MEIOB: variants seen among roughly 807,000 people sequenced by gnomAD.
MEIOB encodes the protein meiosis specific with OB-fold.
Under a neutral mutation model 53.1 loss-of-function variants are expected in MEIOB, and 50 were observed. That is an observed-to-expected ratio of 0.94 (90% CI 0.75 to 1.19). The LOEUF (loss-of-function observed/expected upper bound fraction) is 1.19, where lower values mean the gene tolerates loss of function less well. Ranked by LOEUF, MEIOB falls within the 50% of genes most tolerant of loss-of-function variation. The probability of loss-of-function intolerance (pLI) is 0.00; values close to 1 mark genes in which losing one functional copy is unlikely to be tolerated. For synonymous variants in MEIOB, 192 were observed against 182.5 expected (o/e 1.05, Z -0.42); for missense variants, 551 against 550.8 (o/e 1.00, Z 0.00).
At chr16:1,863,574 C>T (rs551954376) in intron 3 of MEIOB, among the ~76,000 whole-genome samples, 5 of 151,492 alleles carry the variant, frequency 3.3e-5, no homozygotes, top group African/African-American at 9.7e-5. Context: ...TTAGTAGAGA[C>T]GGGGTTTCAC....
intron 10 of MEIOB, chr16:1,843,441 G>A (rs1045196561): frequency 1.3e-5 from 2 of 152,128 alleles, no homozygotes; most frequent in Non-Finnish European, 2.9e-5. Context: ...GCTCATGCCT[G>A]TAATTCTAAC....
At chr16:1,847,580 A>G (rs1899057196) in intron 9 of MEIOB, among the ~76,000 whole-genome samples, 1 of 151,938 alleles carries the variant, frequency 6.6e-6, no homozygotes, top group Non-Finnish European at 1.5e-5. Context: ...AGACCCCCCA[A>G]AAAAAAGAAG....
chr16:1,856,931 T>C (rs1158662147), intron 6 of MEIOB, among the ~76,000 whole-genome samples: 3 of 137,252 alleles, frequency 2.2e-5, no homozygotes, highest in African/African-American at 8.3e-5. Flanking sequence ...ATCCGGCTAA[T>C]TTTTGTATTT....
At chr16:1,848,705 G>A (rs780141936) in intron 9 of MEIOB, among the ~76,000 whole-genome samples, 3 of 151,732 alleles carry the variant, frequency 2.0e-5, no homozygotes, top group East Asian at 1.9e-4. Flanking sequence ...CACCACGCCC[G>A]GCTAATTTTT....
chr16:1,834,363 C>G lies in MEIOB; in HGVS notation c.1309G>C (p.Val437Leu), dbSNP rs564125876. 6.4e-7 allele frequency: 1 copy of G among 1,561,606 alleles called. No individual in the cohort carries two copies. Among genetic ancestry groups the G allele is most frequent in the African/African-American group, 1.4e-5 (1 of 73,792 alleles). Residue 437 changes from valine (V) to leucine (L), a missense_variant, in exon 14 of 14, where the codon GTT (valine) becomes CTT (leucine). Coordinates refer to ENST00000325962, the MANE Select transcript of MEIOB (RefSeq NM_001163560.3). ...CCACTCCTTGCTCTGTGTGATAGAA[C>G]GAACTGCGAGGAGAAACAGAAAAAG... ...LERSKIYLKFVLSHRARSGLK... is the reference protein window; with the variant it reads ...LERSKIYLKFLLSHRARSGLK...
At chr16:1,869,747 G>A (rs559387818) in intron 1 of MEIOB, among the ~76,000 whole-genome samples, 11 of 150,646 alleles carry the variant, frequency 7.3e-5, no homozygotes, top group Admixed American at 2.6e-4. Flanking sequence ...CACCACGCCC[G>A]GCCTCAGTGG....
intron 5 of MEIOB, among the ~76,000 whole-genome samples, chr16:1,859,976 C>T (rs575766826): frequency 6.6e-6 from 1 of 152,322 alleles, no homozygotes; most frequent in African/African-American, 2.4e-5. Context: ...TCTATCCTCG[C>T]AGGGTTCCCC....
At position 1,865,805 on chromosome 16, in the gene MEIOB, C is replaced by A; in HGVS notation, c.100G>T (p.Asp34Tyr). 4 of 1,549,052 alleles carry A rather than the reference C, an allele frequency of 2.6e-6. No individual in the cohort carries two copies. The highest frequency in any genetic ancestry group is 3.5e-6 in the Non-Finnish European group (4 of 1,146,284). The part of the protein sequence containing the change: ...KVIGIVIGKT[D>Y]VKGFPDRKNI... The stretch of plus-strand genomic sequence containing the variant: ...TTTCTGTCTGGAAAGCCTTTGACAT[C>A]TGTTTTCCCAATAACTATACCGATA... Residue 34 changes from aspartate to tyrosine, a missense_variant, in exon 3 of 14, where the codon GAT becomes TAT. Asp to Tyr is a radical substitution (Grantham distance 160). Coordinates refer to ENST00000325962, the MANE Select transcript of MEIOB (RefSeq NM_001163560.3).
chr16:1,857,951 A>G (rs1240180039), intron 5 of MEIOB, 21 bp from the exon 6 acceptor site: 2 of 1,449,752 alleles, frequency 1.4e-6, no homozygotes, highest in Non-Finnish European at 9.3e-7. Flanking sequence ...AAAACACAAG[A>G]AAGTTATTTG....
At chr16:1,836,021 G>A (rs11248896) in intron 13 of MEIOB, among the ~76,000 whole-genome samples, 26,923 of 151,754 alleles carry the variant, frequency 0.18, 2,505 homozygotes, top group South Asian at 0.27. Context: ...CACCATGCCT[G>A]GCTAATTTTT....
chr16:1,834,347 G>T lies in MEIOB; in HGVS notation c.1325C>A (p.Ala442Glu). The T allele has an allele frequency of 6.2e-7, 1 of 1,607,856 alleles. No individual in the cohort carries two copies. The highest frequency in any genetic ancestry group is 8.5e-7 in the Non-Finnish European group (1 of 1,174,788). The change falls in exon 14 of 14, where the codon GCA becomes GAA. Residue 442 changes from alanine to glutamate, a missense_variant. Transcript: ENST00000325962. Reference protein sequence around the residue: ...IYLKFVLSHRARSGLKISVLS... With the variant: ...IYLKFVLSHRERSGLKISVLS... ...TACACTAATTTTCAATCCACTCCTT[G>T]CTCTGTGTGATAGAACGAACTGCGA...
intron 9 of MEIOB, among the ~76,000 whole-genome samples, chr16:1,848,649 C>T (rs1038991959): frequency 2.7e-5 from 4 of 150,460 alleles, no homozygotes; most frequent in African/African-American, 7.3e-5. Context: ...CTGAAGCGAT[C>T]CTCCTGCCTT....
intron 13 of MEIOB, among the ~76,000 whole-genome samples, chr16:1,836,220 A>C (rs1189785711): frequency 3.3e-5 from 5 of 152,034 alleles, no homozygotes; most frequent in Non-Finnish European, 7.4e-5. Context: ...ACATCTTTTT[A>C]TTTGTAAAAT....
At position 1,868,124 on chromosome 16, in the gene MEIOB, T is replaced by G. The variant is rs1742446; in HGVS notation, c.52A>C (p.Thr18Pro). The change falls in exon 2 of 14, where the codon ACA (threonine) becomes CCA (proline). Residue 18 changes from threonine (T) to proline (P), a missense_variant. Thr to Pro is a conservative substitution (Grantham distance 38). Coordinates refer to ENST00000325962, the MANE Select transcript of MEIOB (RefSeq NM_001163560.3). ...AAACCTACCAGATTAGCCATATTTG[T>G]CTGCAGATCTGAAAGGGTAGTGAAA... ...RIFTTLSDLQ[T>P]NMANLKVIGI... 0.84 allele frequency: 1,276,672 copies of G among 1,524,838 alleles called. 535,395 individuals are homozygous for G. The highest frequency in any genetic ancestry group is 0.88 in the Middle Eastern group (5,184 of 5,904). The allele number at this position is 1,524,838 out of a possible 1,614,324, so 94.5% of individuals were successfully genotyped here.
intron 3 of MEIOB, among the ~76,000 whole-genome samples, chr16:1,864,525 G>C (rs2475043): frequency 6.9e-6 from 1 of 145,906 alleles, no homozygotes; most frequent in Non-Finnish European, 1.5e-5. Context: ...TTTCACTCTT[G>C]CTGCCCAGGC....
At chr16:1,854,600 G>A (rs1212845395) in intron 6 of MEIOB, among the ~76,000 whole-genome samples, 2 of 152,156 alleles carry the variant, frequency 1.3e-5, no homozygotes, top group African/African-American at 4.8e-5. Flanking sequence ...CAGGCTCTCT[G>A]GGGCTCAGCA....
intron 9 of MEIOB, among the ~76,000 whole-genome samples, chr16:1,845,638 AT>A (rs1167520709): frequency 1.3e-5 from 2 of 152,016 alleles, no homozygotes; most frequent in African/African-American, 4.8e-5. Context: ...GTTTCTATAT[AT>A]TTTTTCTGAA....
intron 5 of MEIOB, 60 bp downstream of exon 5, chr16:1,860,343 G>C: frequency 2.2e-6 from 2 of 914,236 alleles, no homozygotes; most frequent in Non-Finnish European, 3.4e-6. Flanking sequence ...CTGCTAATCT[G>C]ATACAACATT....
intron 12 of MEIOB, among the ~76,000 whole-genome samples, chr16:1,838,306 A>G (rs185788889): frequency 6.6e-6 from 1 of 152,218 alleles, no homozygotes; most frequent in Admixed American, 6.5e-5. Context: ...AGCCAACTCA[A>G]CTGTTTTGAT....
Sources: allele counts gnomAD v4.1 joint callset (sites outside exome capture counted in the v4.1 genomes callset), GRCh38; gene constraint gnomAD v4.1.1; transcripts MANE v1.5; gene names NCBI Gene and HGNC (gene_info 2026-07-23, HGNC 2026-07-21).